The following ATP11C variants were observed in gnomAD, a reference collection of about 807,000 sequenced individuals.
ATP11C encodes ATPase phospholipid transporting 11C (ATP11C blood group), also known as phospholipid-transporting ATPase IG.
In ATP11C, 36 loss-of-function variants were observed where a neutral mutation model predicts 97.4. The ratio of observed to expected loss-of-function variants is 0.37; its 90% CI spans 0.28 to 0.49. ATP11C has a LOEUF of 0.49. Among genes scored for constraint, ATP11C ranks in the 20% least tolerant of loss-of-function variants. The pLI is 0.98. For synonymous variants in ATP11C, 275 were observed against 290.9 expected, an observed-to-expected ratio of 0.95 and a Z score of 0.56; for missense variants, 730 against 824.6, an observed-to-expected ratio of 0.89 and a Z score of 1.40.
chrX:139,740,583 T>C (rs1207983955), intron 27 of ATP11C, among the ~76,000 whole-genome samples: 1 of 112,183 alleles, frequency 8.9e-6, no homozygotes, highest in Non-Finnish European at 1.9e-5. Flanking sequence ...ATCATGGTTA[T>C]ATACTATCAA....
intron 18 of ATP11C, among the ~76,000 whole-genome samples, chrX:139,776,511 A>G (rs1350667823): frequency 8.9e-6 from 1 of 111,868 alleles, no homozygotes; most frequent in Non-Finnish European, 1.9e-5. Context: ...TGTGAGCCCT[A>G]CGACAGGGGC....
At chrX:139,777,076 C>T (rs779708201) in intron 18 of ATP11C, among the ~76,000 whole-genome samples, 1 of 111,286 alleles carries the variant, frequency 9.0e-6, no homozygotes, top group South Asian at 3.8e-4. Flanking sequence ...GCAACAGATC[C>T]CTCAGATGAG....
chrX:139,788,390 C>T (rs1569455918), intron 13 of ATP11C, 47 bp from the exon 14 acceptor site: 1 of 1,080,089 alleles, frequency 9.3e-7, no homozygotes, highest in South Asian at 2.0e-5. Flanking sequence ...AATTTGATCA[C>T]CCGGTAACTA....
intron 23 of ATP11C, among the ~76,000 whole-genome samples, chrX:139,754,688 G>A (rs146801866): frequency 5.8e-4 from 65 of 112,192 alleles, no homozygotes; most frequent in African/African-American, 1.4e-3. Flanking sequence ...TGCAAGGTTG[G>A]TTCAATATCT....
chrX:139,825,225 G>A (rs1442918647), intron 2 of ATP11C, among the ~76,000 whole-genome samples: 2 of 111,521 alleles, frequency 1.8e-5, no homozygotes, highest in South Asian at 3.8e-4. Flanking sequence ...CAAACAGCAC[G>A]ATGATGTAAA....
intron 1 of ATP11C, among the ~76,000 whole-genome samples, chrX:139,921,562 T>C (rs1206201836): frequency 1.8e-5 from 2 of 111,895 alleles, no homozygotes; most frequent in African/African-American, 3.2e-5. Flanking sequence ...AATAGACTAA[T>C]ACAGAGGGAA....
chrX:139,884,603 G>A (rs756374800), intron 1 of ATP11C, among the ~76,000 whole-genome samples: 8 of 112,135 alleles, frequency 7.1e-5, no homozygotes, highest in African/African-American at 1.6e-4. Context: ...GATTACAAGC[G>A]TGAGTCACTG....
intron 24 of ATP11C, among the ~76,000 whole-genome samples, chrX:139,749,610 C>G (rs1007225885): frequency 9.0e-6 from 1 of 111,690 alleles, no homozygotes; most frequent in East Asian, 2.8e-4. Context: ...GCGGCTAATG[C>G]TATGGGTGCA....
At chrX:139,777,043 T>C (rs978735925) in intron 18 of ATP11C, among the ~76,000 whole-genome samples, 4 of 111,427 alleles carry the variant, frequency 3.6e-5, no homozygotes, top group Admixed American at 1.9e-4. Flanking sequence ...TCATCCAAAC[T>C]ACAGCAAATT....
At chrX:139,741,639 T>C (rs2081558633) in intron 26 of ATP11C, among the ~76,000 whole-genome samples, 1 of 111,927 alleles carries the variant, frequency 8.9e-6, no homozygotes, top group South Asian at 3.8e-4. Flanking sequence ...CAATGAATCA[T>C]GGGTTTGACT....
chrX:139,913,340 G>A (rs746237465), intron 1 of ATP11C, among the ~76,000 whole-genome samples: 1 of 111,592 alleles, frequency 9.0e-6, no homozygotes, highest in African/African-American at 3.3e-5. Flanking sequence ...ATTAATTCTA[G>A]AGCATAGTTA....
chrX:139,774,841 G>A lies in ATP11C; in HGVS notation c.2065C>T (p.Arg689Cys), dbSNP rs375231544. 1.2e-5 allele frequency: 15 copies of A among 1,209,841 alleles called. No individual in the cohort carries two copies. The highest frequency in any genetic ancestry group is 7.0e-5 in the South Asian group (4 of 56,833). Residue 689 changes from arginine to cysteine, a missense_variant, in exon 19 of 30, where the codon CGC becomes TGC. Transcript: ENST00000682941. ...ETAKSTCYAC[R>C]LFQTNTELLE... ...AGCTCAGTGTTGGTCTGGAAAAGGC[G>A]GCAGGCATAGCATGTGGATTTAGCT... is the stretch of plus-strand genomic sequence containing the variant.
intron 19 of ATP11C, among the ~76,000 whole-genome samples, chrX:139,773,297 G>A (rs1333355314): frequency 9.0e-6 from 1 of 111,051 alleles, no homozygotes; most frequent in Non-Finnish European, 1.9e-5. Context: ...GTCTTTATCA[G>A]CAGTGTAAAA....
chrX:139,934,774 C>G (rs1212493502), upstream of ATP11C, among the ~76,000 whole-genome samples: 1 of 110,710 alleles, frequency 9.0e-6, no homozygotes, highest in Non-Finnish European at 1.9e-5. Flanking sequence ...GTCTCGATCT[C>G]CTGACCTCAG....
intron 1 of ATP11C, among the ~76,000 whole-genome samples, chrX:139,865,992 G>A (rs1382981022): frequency 9.0e-6 from 1 of 111,021 alleles, no homozygotes; most frequent in African/African-American, 3.3e-5. Context: ...AGGTAATCTT[G>A]TAATATGTTA....
At chrX:139,878,868 G>T (rs867641379) in intron 1 of ATP11C, among the ~76,000 whole-genome samples, 1 of 109,470 alleles carries the variant, frequency 9.1e-6, no homozygotes, top group Non-Finnish European at 1.9e-5. Context: ...AGCGTGGTAC[G>T]GACAGAGACT....
At chrX:139,918,000 A>C (rs1011182309) in intron 1 of ATP11C, among the ~76,000 whole-genome samples, 5 of 108,762 alleles carry the variant, frequency 4.6e-5, no homozygotes, top group Non-Finnish European at 9.6e-5. Flanking sequence ...ACTATAAAAA[A>C]TATAGCAATT....
intron 5 of ATP11C, 21 bp from the exon 6 acceptor site, chrX:139,804,620 T>G (rs1382280207): frequency 1.8e-6 from 2 of 1,135,848 alleles, no homozygotes; most frequent in Non-Finnish European, 2.4e-6. Context: ...GAAATAAATA[T>G]AAATATTTTA....
intron 1 of ATP11C, among the ~76,000 whole-genome samples, chrX:139,862,296 G>A (rs1028678815): frequency 3.6e-5 from 4 of 110,953 alleles, no homozygotes; most frequent in South Asian, 7.7e-4. Flanking sequence ...TGAGTTCTGT[G>A]AGCTTCTCCG....
Sources: allele counts gnomAD v4.1 joint callset (sites outside exome capture counted in the v4.1 genomes callset), GRCh38; gene constraint gnomAD v4.1.1; transcripts MANE v1.5; gene names NCBI Gene and HGNC (gene_info 2026-07-23, HGNC 2026-07-21).